Variants in ACVR1C observed in about 807,000 individuals in gnomAD.
ACVR1C encodes activin A receptor type 1C.
ACVR1C carries 23 observed loss-of-function variants against 57.9 expected under a neutral mutation model. The observed-to-expected ratio is 0.40, with a 90% CI of 0.29 to 0.56. ACVR1C has a LOEUF of 0.56. Ranked by LOEUF, ACVR1C falls within the 20% of genes least tolerant of loss-of-function variation. The probability of loss-of-function intolerance (pLI) is 0.50; values close to 1 mark genes in which losing one functional copy is unlikely to be tolerated. For synonymous variants in ACVR1C, 214 were observed against 215.3 expected (o/e 0.99, Z 0.05); for missense variants, 480 against 607.9 (o/e 0.79, Z 2.21).
intron 1 of ACVR1C, among the ~76,000 whole-genome samples, chr2:157,619,482 A>C (rs1682719394): frequency 6.6e-6 from 1 of 152,042 alleles, no homozygotes; most frequent in South Asian, 2.1e-4. Flanking sequence ...AATGTGGGTC[A>C]GCAAACTATG....
intron 2 of ACVR1C, among the ~76,000 whole-genome samples, chr2:157,584,358 C>A (rs1218746150): frequency 2.0e-5 from 3 of 152,064 alleles, no homozygotes; most frequent in Non-Finnish European, 4.4e-5. Context: ...CCCATCTTGG[C>A]CTCCCAAAGT....
rs1448769248 is a variant in ACVR1C at position 157,527,845 on chromosome 2, T to C, written c.*6073A>G. 1.3e-5 allele frequency: 2 copies of C among 152,182 alleles called. No homozygotes were observed. Among genetic ancestry groups the C allele is most frequent in the Non-Finnish European group, 2.9e-5 (2 of 68,034 alleles). The allele number at this position is 152,182 out of a possible 1,614,324, so 9.4% of individuals were successfully genotyped here. ...CAAAATTTAGGCACACAATCCTCTC[T>C]TTACAGGCAAAGTCAGTAATTAGCT... On this transcript the variant is annotated 3_prime_UTR_variant, in exon 9 of 9. Coordinates refer to ENST00000243349, the MANE Select transcript of ACVR1C (RefSeq NM_145259.3).
intron 1 of ACVR1C, among the ~76,000 whole-genome samples, chr2:157,601,816 T>C (rs1558993576): frequency 6.6e-6 from 1 of 152,130 alleles, no homozygotes; most frequent in Non-Finnish European, 1.5e-5. Context: ...ACTGATGAAG[T>C]AGGGATAATA....
intron 2 of ACVR1C, among the ~76,000 whole-genome samples, chr2:157,566,165 G>A (rs1409780221): frequency 6.6e-6 from 1 of 152,156 alleles, no homozygotes; most frequent in East Asian, 1.9e-4. Context: ...ATATTTTAGA[G>A]TTCTTTTTTT....
chr2:157,614,137 T>A (rs1325532938), intron 1 of ACVR1C, among the ~76,000 whole-genome samples: 2 of 152,204 alleles, frequency 1.3e-5, no homozygotes, highest in African/African-American at 4.8e-5. Context: ...CTAAATTTTT[T>A]AATTGTGAAC....
chr2:157,563,517 A>G (rs1380670617), intron 2 of ACVR1C, among the ~76,000 whole-genome samples: 2 of 152,244 alleles, frequency 1.3e-5, no homozygotes, highest in African/African-American at 2.4e-5. Flanking sequence ...GGAAGAATCA[A>G]TATCGTGAAA....
intron 2 of ACVR1C, among the ~76,000 whole-genome samples, chr2:157,574,957 T>A (rs554202732): frequency 6.6e-6 from 1 of 152,108 alleles, no homozygotes; most frequent in East Asian, 1.9e-4. Context: ...TTCTGTTTTG[T>A]ATTTTTTATT....
At chr2:157,559,679 G>A (rs1329416689) in intron 2 of ACVR1C, among the ~76,000 whole-genome samples, 1 of 152,118 alleles carries the variant, frequency 6.6e-6, no homozygotes, top group Non-Finnish European at 1.5e-5. Flanking sequence ...TGGGAGGAGT[G>A]CTGCATTGTT....
chr2:157,566,438 C>G (rs1688381811), intron 2 of ACVR1C, among the ~76,000 whole-genome samples: 1 of 152,228 alleles, frequency 6.6e-6, no homozygotes, highest in Non-Finnish European at 1.5e-5. Flanking sequence ...TCTGCATTTC[C>G]ATCTGAGGTA....
At chr2:157,539,088 A>G (rs752475391) in intron 7 of ACVR1C, among the ~76,000 whole-genome samples, 1 of 151,754 alleles carries the variant, frequency 6.6e-6, no homozygotes, top group Non-Finnish European at 1.5e-5. Flanking sequence ...TATACAATTT[A>G]AAAGTGATGC....
intron 1 of ACVR1C, among the ~76,000 whole-genome samples, chr2:157,624,516 A>C (rs1302365806): frequency 6.6e-6 from 1 of 152,258 alleles, no homozygotes; most frequent in Non-Finnish European, 1.5e-5. Flanking sequence ...CTTGGGAAAA[A>C]CCAACTGCTT....
intron 1 of ACVR1C, among the ~76,000 whole-genome samples, chr2:157,608,247 T>C (rs1201294073): frequency 3.3e-5 from 5 of 152,014 alleles, no homozygotes; most frequent in African/African-American, 1.2e-4. Flanking sequence ...AATAATCATA[T>C]GATCTTTGTT....
intron 2 of ACVR1C, among the ~76,000 whole-genome samples, chr2:157,575,480 G>A (rs1324560740): frequency 6.6e-6 from 1 of 152,234 alleles, no homozygotes; most frequent in Non-Finnish European, 1.5e-5. Flanking sequence ...CCTGGCCAAG[G>A]CTGGTCTTGA....
chr2:157,587,423 A>G lies in ACVR1C; in HGVS notation c.74-6T>C. 1.3e-6 allele frequency: 2 copies of G among 1,592,682 alleles called. No homozygotes were observed. The highest frequency in any genetic ancestry group is 1.7e-6 in the Non-Finnish European group (2 of 1,161,010). ...AAGACATACACACTTCAGTCCTGGA[A>G]AGAGTAAGGCAAAAAGATTTAAAAT... On this transcript the variant is annotated splice_region_variant and splice_polypyrimidine_tract_variant and intron_variant, in intron 1 of 8. Transcript: ENST00000243349.
At position 157,550,358 on chromosome 2, in the gene ACVR1C, C is replaced by G; in HGVS notation, c.579G>C (p.Arg193Ser). 2.5e-6 allele frequency: 4 copies of G among 1,614,108 alleles called. No individual in the cohort carries two copies. Among genetic ancestry groups the G allele is most frequent in the Non-Finnish European group, 3.4e-6 (4 of 1,180,028 alleles). Residue 193 changes from arginine (R) to serine (S), a missense_variant, in exon 4 of 9, where the codon AGG (arginine) becomes AGC (serine). Physicochemically the swap from Arg to Ser is moderately radical, Grantham distance 110. Coordinates refer to ENST00000243349, the MANE Select transcript of ACVR1C (RefSeq NM_145259.3). ...CTACTATTTCCTGAAGCACAATCGT[C>G]CTTGCAATTGTCCTTTGAACCAACA... ...LPLLVQRTIA[R>S]TIVLQEIVGK...
intron 2 of ACVR1C, among the ~76,000 whole-genome samples, chr2:157,579,715 G>A (rs1215626169): frequency 6.6e-6 from 1 of 152,084 alleles, no homozygotes; most frequent in Non-Finnish European, 1.5e-5. Context: ...GAAGTAGGCT[G>A]GTGACATTGT....
intron 3 of ACVR1C, 41 bp from the exon 4 acceptor site, chr2:157,550,433 G>A: frequency 3.2e-6 from 5 of 1,558,540 alleles, no homozygotes; most frequent in Non-Finnish European, 4.4e-6. Context: ...AAACACAAAT[G>A]TCAGAAAAGA....
intron 2 of ACVR1C, among the ~76,000 whole-genome samples, chr2:157,566,712 G>A (rs984610265): frequency 2.6e-5 from 4 of 151,660 alleles, no homozygotes; most frequent in South Asian, 4.2e-4. Flanking sequence ...AGGGTCCTAC[G>A]CCCAGGGAGT....
intron 1 of ACVR1C, among the ~76,000 whole-genome samples, chr2:157,602,551 T>C (rs1682302651): frequency 1.3e-5 from 2 of 152,230 alleles, no homozygotes; most frequent in Admixed American, 1.3e-4. Context: ...GTTGTATTTC[T>C]ACTTCTACAT....
Sources: allele counts gnomAD v4.1 joint callset (sites outside exome capture counted in the v4.1 genomes callset), GRCh38; gene constraint gnomAD v4.1.1; transcripts MANE v1.5; gene names NCBI Gene and HGNC (gene_info 2026-07-23, HGNC 2026-07-21).